Variants in HABP2 observed in about 807,000 individuals in gnomAD.
HABP2 encodes factor VII-activating protease.
In HABP2, 65 loss-of-function variants were observed where a neutral mutation model predicts 66.5. The ratio of observed to expected loss-of-function variants is 0.98; its 90% CI spans 0.80 to 1.20. The LOEUF is 1.20. HABP2 is among the 50% of genes most tolerant of loss of function. HABP2 has a pLI of 0.00. For synonymous variants in HABP2, 263 were observed against 253.9 expected (o/e 1.04, Z -0.34); for missense variants, 786 against 691.0 (o/e 1.14, Z -1.54).
intron 1 of HABP2, among the ~76,000 whole-genome samples, chr10:113,565,036 C>T (rs769481784): frequency 1.8e-4 from 28 of 152,102 alleles, no homozygotes; most frequent in African/African-American, 5.3e-4. Flanking sequence ...TTAGTGGAGA[C>T]GGGGTTTCAC....
intron 4 of HABP2, 83 bp downstream of exon 4, chr10:113,576,087 G>A: frequency 1.3e-6 from 1 of 777,754 alleles, no homozygotes; most frequent in South Asian, 1.5e-5. Flanking sequence ...ACTGCGCAAT[G>A]CCATGGAAAG....
At chr10:113,554,780 C>CT (rs1367708192) in intron 1 of HABP2, among the ~76,000 whole-genome samples, 4 of 152,178 alleles carry the variant, frequency 2.6e-5, no homozygotes, top group African/African-American at 9.7e-5. Flanking sequence ...CGAAAAATCC[C>CT]TTTTTTGCAA....
chr10:113,577,348 C>A, intron 5 of HABP2, 82 bp downstream of exon 5: 1 of 766,838 alleles, frequency 1.3e-6, no homozygotes, highest in Admixed American at 2.0e-5. Flanking sequence ...AGGCCAGATG[C>A]ATCTGATGTT....
chr10:113,572,205 T>C (rs1238224843), intron 2 of HABP2, among the ~76,000 whole-genome samples: 1 of 152,228 alleles, frequency 6.6e-6, no homozygotes, highest in African/African-American at 2.4e-5. Flanking sequence ...TCAAAGCCTA[T>C]GTATTTTATT....
intron 3 of HABP2, among the ~76,000 whole-genome samples, chr10:113,575,404 C>T (rs1218263274): frequency 6.6e-6 from 1 of 152,168 alleles, no homozygotes; most frequent in African/African-American, 2.4e-5. Flanking sequence ...CTTCTGTCAC[C>T]CTCTTGCCTT....
rs748095702 is a variant in HABP2 at position 113,577,152 on chromosome 10, C to A, written c.334C>A (p.Gln112Lys). The A allele has an allele frequency of 1.9e-6, 3 of 1,579,770 alleles. No homozygotes were observed. Among genetic ancestry groups the A allele is most frequent in the East Asian group, 2.2e-5 (1 of 44,712 alleles). ...PFSGNKCQKV[Q>K]NTCKDNPCGR... ...CTTATGTTATGGATCTCCTACAGTG[C>A]AAAATACGTGCAAGGACAACCCATG... is the stretch of plus-strand genomic sequence containing the variant. Residue 112 changes from glutamine (Q) to lysine (K), a missense_variant and splice_region_variant, in exon 5 of 13, where the codon CAA becomes AAA. Gln to Lys is a moderately conservative substitution (Grantham distance 53). Transcript: ENST00000351270.
Position 113,567,532 on chromosome 10 carries a change from G to T in HABP2, c.106+7G>T, listed in dbSNP as rs772358753. Reference sequence around the variant, plus strand: ...TTGGAAAGCCTGGACCCAGGTAAGTGTGCTGATCTCCCTGGGGCTTCCCAC... The same window carrying T: ...TTGGAAAGCCTGGACCCAGGTAAGTTTGCTGATCTCCCTGGGGCTTCCCAC... On this transcript the variant is annotated splice_region_variant and intron_variant, in intron 2 of 12. Transcript: ENST00000351270. 2 of 1,605,038 alleles carry T rather than the reference G, an allele frequency of 1.2e-6. No individual in the cohort carries two copies. The highest frequency in any genetic ancestry group is 1.7e-6 in the Non-Finnish European group (2 of 1,171,676).
At chr10:113,553,230 G>T (rs774875092) in intron 1 of HABP2, 40 bp downstream of exon 1, 1 of 1,441,336 alleles carries the variant, frequency 6.9e-7, no homozygotes, top group Non-Finnish European at 9.8e-7. Flanking sequence ...GAGAGACTCC[G>T]AAGTTTACTA....
intron 1 of HABP2, among the ~76,000 whole-genome samples, chr10:113,559,151 A>G (rs1158756028): frequency 6.6e-6 from 1 of 152,138 alleles, no homozygotes; most frequent in African/African-American, 2.4e-5. Context: ...CACCGTGCCC[A>G]GCCTTCGCTT....
chr10:113,553,010 A>G (rs941316798), upstream of HABP2: 4 of 753,110 alleles, frequency 5.3e-6, no homozygotes, highest in Middle Eastern at 2.4e-4. Context: ...AATAATTTGC[A>G]TCCTCTTCAT....
intron 1 of HABP2, among the ~76,000 whole-genome samples, chr10:113,556,646 TAG>T (rs1466770221): frequency 6.6e-6 from 1 of 151,266 alleles, no homozygotes; most frequent in East Asian, 1.9e-4. Context: ...ACCCAGGAGG[TAG>T]AGATTGCAAT....
chr10:113,574,816 A>G (rs1845379638), intron 3 of HABP2, among the ~76,000 whole-genome samples: 2 of 152,220 alleles, frequency 1.3e-5, no homozygotes, highest in Non-Finnish European at 2.9e-5. Context: ...TGTAGCATGT[A>G]CACATTCAGC....
chr10:113,584,778 CTCTG>C (rs1269597055), intron 11 of HABP2, among the ~76,000 whole-genome samples: 1 of 152,228 alleles, frequency 6.6e-6, no homozygotes, highest in Non-Finnish European at 1.5e-5. Context: ...TCCCATTCAT[CTCTG>C]TCTGTCTCAC....
rs1326329032 is a variant in HABP2, at chr10:113,588,984, C to T, written c.*615C>T. On this transcript the variant is annotated 3_prime_UTR_variant, in exon 13 of 13. Coordinates refer to ENST00000351270, the MANE Select transcript of HABP2 (RefSeq NM_004132.5). ...TCAGGGTGGACATGGCTCACAACAG[C>T]AGGGCCTTCTTCTTTTTGACGTGCA... 1 of 1,613,314 alleles carries T rather than the reference C, an allele frequency of 6.2e-7. No individual in the cohort carries two copies. Among genetic ancestry groups the T allele is most frequent in the Non-Finnish European group, 8.5e-7 (1 of 1,179,362 alleles).
intron 11 of HABP2, among the ~76,000 whole-genome samples, chr10:113,585,427 G>A (rs1226676847): frequency 3.9e-5 from 6 of 152,130 alleles, no homozygotes; most frequent in South Asian, 2.1e-4. Flanking sequence ...AGCCTACTGC[G>A]CAGGGCACTT....
At position 113,588,539 on chromosome 10, in the gene HABP2, T is replaced by A; in HGVS notation, c.*170T>A. ...GCCTGGGCCTTCCCAGACCAGCATT[T>A]GCACAATATCACCAGGCTTCTTCTG... On this transcript the variant is annotated 3_prime_UTR_variant, in exon 13 of 13. Coordinates refer to ENST00000351270, the MANE Select transcript of HABP2 (RefSeq NM_004132.5). 1.8e-6 allele frequency: 1 copy of A among 561,174 alleles called. No individual in the cohort carries two copies. Among genetic ancestry groups the A allele is most frequent in the African/African-American group, 1.9e-5 (1 of 53,478 alleles). The allele number at this position is 561,174 out of a possible 1,614,324, so 34.8% of individuals were successfully genotyped here.
At chr10:113,586,489 G>GGGGT (rs1845638754) in intron 12 of HABP2, among the ~76,000 whole-genome samples, 1 of 118,550 alleles carries the variant, frequency 8.4e-6, no homozygotes, top group Non-Finnish European at 1.9e-5. Context: ...GGGGGGGGGG[G>GGGGT]TGTTTTAGCC....
intron 3 of HABP2, among the ~76,000 whole-genome samples, chr10:113,575,100 C>T (rs939243548): frequency 6.6e-6 from 1 of 152,318 alleles, no homozygotes; most frequent in Admixed American, 6.5e-5. Context: ...AAGCACTTAG[C>T]AGCTGGAATA....
intron 8 of HABP2, among the ~76,000 whole-genome samples, chr10:113,581,067 A>T (rs896105952): frequency 6.6e-6 from 1 of 152,140 alleles, no homozygotes; most frequent in Non-Finnish European, 1.5e-5. Context: ...TTCAAATTCC[A>T]GCCTCACAGT....
Sources: gnomAD v4.1 joint callset for allele counts (sites outside exome capture counted in the v4.1 genomes callset) on GRCh38, gnomAD v4.1.1 for gene constraint, MANE v1.5 for transcripts, NCBI Gene and HGNC (gene_info 2026-07-23, HGNC 2026-07-21) for gene names.